The following MEGF10 variants were observed in gnomAD, a reference collection of about 807,000 sequenced individuals.
MEGF10 encodes the protein multiple EGF like domains 10.
MEGF10 carries 86 observed loss-of-function variants against 147.5 expected under a neutral mutation model. That is an observed-to-expected ratio of 0.58 (90% CI 0.49 to 0.70). The LOEUF is 0.70. Ranked by LOEUF, MEGF10 falls within the 30% of genes least tolerant of loss-of-function variation. The probability of loss-of-function intolerance (pLI) is 0.00; values close to 1 mark genes in which losing one functional copy is unlikely to be tolerated. For missense variants in MEGF10, 1,329 were observed against 1,487.3 expected (o/e 0.89, Z 1.75); for synonymous variants, 478 against 525.5 (o/e 0.91, Z 1.24).
At chr5:127,387,828 C>T (rs1252157464) in intron 5 of MEGF10, among the ~76,000 whole-genome samples, 2 of 152,166 alleles carry the variant, frequency 1.3e-5, no homozygotes, top group Admixed American at 1.3e-4. Context: ...ATGTTAGAAA[C>T]TCAATGTATC....
In MEGF10 at chr5:127,298,568, C is replaced by T. The variant is rs548942847; in HGVS notation, c.-19+7512C>T. Among the ~76,000 whole-genome samples, 18 of 152,242 alleles carry T rather than the reference C, an allele frequency of 1.2e-4. No individual in the cohort carries two copies. In the South Asian group the frequency reaches 1.2e-3, roughly 11 times the overall value. The stretch of plus-strand genomic sequence containing the variant: ...ATTCGGTAGGTGCGTAGTGGGGTCC[C>T]AGGATGTGTATTTTTAACAAGGTGT... On this transcript the variant is annotated intron_variant, in intron 1 of 24. Transcript: ENST00000503335.
intron 1 of MEGF10, among the ~76,000 whole-genome samples, chr5:127,325,253 G>A (rs1199255532): frequency 6.6e-6 from 1 of 152,066 alleles, no homozygotes; most frequent in Non-Finnish European, 1.5e-5. Context: ...GACTCATTTG[G>A]CAAATAATCA....
the MEGF10 span, among the ~76,000 whole-genome samples, chr5:127,236,673 T>G: frequency 6.6e-6 from 1 of 152,246 alleles, no homozygotes; most frequent in Non-Finnish European, 1.5e-5. Context: ...CCCTGTCTTC[T>G]TAAACTTACT....
At chr5:127,247,450 A>G in the MEGF10 span, among the ~76,000 whole-genome samples, 165 of 123,756 alleles carry the variant, frequency 1.3e-3, 24 homozygotes, top group Middle Eastern at 8.4e-3. Context: ...GAAGAAGAAG[A>G]AGAAGAAGAA....
At chr5:127,359,535 A>T (rs559498537) in intron 4 of MEGF10, among the ~76,000 whole-genome samples, 1 of 151,928 alleles carries the variant, frequency 6.6e-6, no homozygotes, top group Non-Finnish European at 1.5e-5. Context: ...AATTTCTCCT[A>T]TCCACCCCTC....
chr5:127,406,233 G>T (rs1332150410), intron 8 of MEGF10, among the ~76,000 whole-genome samples: 1 of 152,152 alleles, frequency 6.6e-6, no homozygotes. Context: ...TACAGGGAAA[G>T]GGAATAACAG....
At chr5:127,343,273 G>A (rs940072155) in intron 4 of MEGF10, among the ~76,000 whole-genome samples, 1 of 152,118 alleles carries the variant, frequency 6.6e-6, no homozygotes, top group Non-Finnish European at 1.5e-5. Context: ...AAACAAGGAT[G>A]ATTTAATGCA....
chr5:127,332,451 A>G (rs1275846309), intron 2 of MEGF10, among the ~76,000 whole-genome samples: 1 of 152,190 alleles, frequency 6.6e-6, no homozygotes, highest in African/African-American at 2.4e-5. Flanking sequence ...GTTAGGATGC[A>G]TAAAGCCCAG....
chr5:127,235,811 A>G, the MEGF10 span, among the ~76,000 whole-genome samples: 1 of 152,212 alleles, frequency 6.6e-6, no homozygotes, highest in Non-Finnish European at 1.5e-5. Flanking sequence ...GTTTATACAC[A>G]TTTTTATAGT....
At chr5:127,373,338 G>GACGGGGTT (rs1762913902) in intron 5 of MEGF10, among the ~76,000 whole-genome samples, 1 of 152,088 alleles carries the variant, frequency 6.6e-6, no homozygotes, top group African/African-American at 2.4e-5. Context: ...TTTTAGCAGA[G>GACGGGGTT]ACGGGGTTTC....
intron 4 of MEGF10, among the ~76,000 whole-genome samples, chr5:127,353,875 A>T (rs1561589182): frequency 6.6e-6 from 1 of 152,188 alleles, no homozygotes; most frequent in Non-Finnish European, 1.5e-5. Context: ...AACTCACTTT[A>T]TTGCCTGGCA....
At chr5:127,311,407 C>G (rs1267945383) in intron 1 of MEGF10, among the ~76,000 whole-genome samples, 1 of 152,176 alleles carries the variant, frequency 6.6e-6, no homozygotes, top group Non-Finnish European at 1.5e-5. Context: ...AAGTTTTAGT[C>G]TTTTCTCATT....
chr5:127,419,017 G>T, intron 10 of MEGF10, 103 bp from the exon 11 acceptor site: 2 of 1,338,028 alleles, frequency 1.5e-6, no homozygotes, highest in Non-Finnish European at 2.0e-6. Context: ...TAAAATTAGA[G>T]AGGAAGTATA....
intron 1 of MEGF10, among the ~76,000 whole-genome samples, chr5:127,304,522 C>G (rs1481843086): frequency 1.3e-5 from 2 of 152,140 alleles, no homozygotes; most frequent in Non-Finnish European, 2.9e-5. Context: ...GGGACAAAGT[C>G]TCCCTCTGTC....
intron 5 of MEGF10, among the ~76,000 whole-genome samples, chr5:127,395,722 T>A (rs940143124): frequency 6.6e-6 from 1 of 151,868 alleles, no homozygotes; most frequent in African/African-American, 2.4e-5. Flanking sequence ...TTTTTTGTAT[T>A]TTTAGTAGAG....
chr5:127,285,977 C>T (rs1248939684), upstream of MEGF10, among the ~76,000 whole-genome samples: 1 of 151,948 alleles, frequency 6.6e-6, no homozygotes, highest in African/African-American at 2.4e-5. Context: ...TACTATTCGG[C>T]CATAAAAAAT....
chr5:127,438,484 A>G lies in MEGF10; in HGVS notation c.2150A>G (p.Asn717Ser), dbSNP rs116135607. 1.9e-4 allele frequency: 305 copies of G among 1,613,980 alleles called. 1 individual carries two copies. Among genetic ancestry groups the G allele is most frequent in the Non-Finnish European group, 2.4e-4 (283 of 1,180,000 alleles). Residue 717 changes from asparagine to serine, a missense_variant, in exon 17 of 25, where the codon AAC (asparagine) becomes AGC (serine). This residue lies in a region of MEGF10 where 980 missense variants were observed against 1,085.9 expected (regional missense o/e 0.90). Coordinates refer to ENST00000503335, the MANE Select transcript of MEGF10 (RefSeq NM_001256545.2). ...GGCCCAAACTGCATCCACACGTGCA[A>G]CTGCCATAATGGAGCTTTCTGCAGC... ...HWGPNCIHTC[N>S]CHNGAFCSAY... is the part of the protein sequence containing the mutation.
the MEGF10 span, among the ~76,000 whole-genome samples, chr5:127,247,832 G>C: frequency 6.6e-6 from 1 of 152,046 alleles, no homozygotes; most frequent in African/African-American, 2.4e-5. Flanking sequence ...AGAGAAAGCT[G>C]GAATTTGCAG....
chr5:127,322,400 A>G (rs1561570134), intron 1 of MEGF10, among the ~76,000 whole-genome samples: 1 of 151,994 alleles, frequency 6.6e-6, no homozygotes, highest in Non-Finnish European at 1.5e-5. Flanking sequence ...CTCTGCCTAT[A>G]CTGCTCCATC....
Sources: allele counts gnomAD v4.1 joint callset (sites outside exome capture counted in the v4.1 genomes callset), GRCh38; gene constraint gnomAD v4.1.1; regional missense constraint gnomAD v4.1.1; transcripts MANE v1.5; gene names NCBI Gene and HGNC (gene_info 2026-07-23, HGNC 2026-07-21).